ZEB2: variants seen among roughly 807,000 people sequenced by gnomAD.
ZEB2 encodes zinc finger E-box-binding homeobox 2.
Under a neutral mutation model 99.9 loss-of-function variants are expected in ZEB2, and 6 were observed. That is an observed-to-expected ratio of 0.06 (90% CI 0.03 to 0.12). The LOEUF is 0.12. Ranked by LOEUF, ZEB2 falls within the 10% of genes least tolerant of loss-of-function variation. ZEB2 has a pLI of 1.00. For missense variants in ZEB2, 969 were observed against 1,502.8 expected, an observed-to-expected ratio of 0.64 and a Z score of 5.87; for synonymous variants, 517 against 542.5, an observed-to-expected ratio of 0.95 and a Z score of 0.65.
intron 2 of ZEB2, among the ~76,000 whole-genome samples, chr2:144,508,518 A>G (rs548878840): frequency 6.6e-6 from 1 of 152,210 alleles, no homozygotes; most frequent in South Asian, 2.1e-4. Context: ...CTCTTTTTCG[A>G]AACTAAATAA....
At chr2:144,481,754 G>C (rs1046175502) in intron 2 of ZEB2, among the ~76,000 whole-genome samples, 1 of 152,138 alleles carries the variant, frequency 6.6e-6, no homozygotes, top group Non-Finnish European at 1.5e-5. Flanking sequence ...ATGTGTGCAC[G>C]AGTTACTTTA....
At chr2:144,447,855 T>C (rs1257485757) in intron 2 of ZEB2, among the ~76,000 whole-genome samples, 2 of 152,232 alleles carry the variant, frequency 1.3e-5, no homozygotes, top group Admixed American at 6.5e-5. Context: ...AGACATTTTA[T>C]ATTTCTGTAG....
intron 2 of ZEB2, among the ~76,000 whole-genome samples, chr2:144,440,004 T>G (rs1354464335): frequency 6.6e-6 from 1 of 152,250 alleles, no homozygotes; most frequent in Non-Finnish European, 1.5e-5. Context: ...TTAATTTTTT[T>G]TCTCTTCAAA....
rs201598774 is a variant in ZEB2 at position 144,498,145 on chromosome 2, C to CTATA, written c.73+19129_73+19132dup. 1.5e-4 allele frequency among the ~76,000 whole-genome samples: 12 copies of CTATA among 79,276 alleles called. 1 individual carries two copies. Among genetic ancestry groups the CTATA allele is most frequent in the African/African-American group, 2.6e-4 (5 of 19,250 alleles). 52.0% of individuals were successfully genotyped at this position (79,276 alleles called of 152,430 possible). On this transcript the variant is annotated intron_variant, in intron 2 of 9. Transcript: ENST00000627532. ...TTAATATTATATATTATATAATATA[C>CTATA]TATATATATATATGAAACATTGGTG... is the stretch of plus-strand genomic sequence containing the variant.
chr2:144,456,129 TA>T (rs1272880712), intron 2 of ZEB2, among the ~76,000 whole-genome samples: 1 of 150,712 alleles, frequency 6.6e-6, no homozygotes, highest in East Asian at 1.9e-4. Context: ...TTTTTTTTTT[TA>T]AAGCATTTTA....
At chr2:144,512,286 A>T in intron 2 of ZEB2, 1 of 1,287,250 alleles carries the variant, frequency 7.8e-7, no homozygotes, top group Non-Finnish European at 1.0e-6. Flanking sequence ...AAGAAAATGC[A>T]CCTTAAAAGC....
chr2:144,443,300 A>G (rs1467387782), intron 2 of ZEB2, among the ~76,000 whole-genome samples: 1 of 152,202 alleles, frequency 6.6e-6, no homozygotes, highest in African/African-American at 2.4e-5. Flanking sequence ...AAAGGGCCAT[A>G]TGCCCTATTT....
chr2:144,496,056 G>A (rs1228010711), intron 2 of ZEB2: 1 of 152,238 alleles, frequency 6.6e-6, no homozygotes, highest in Non-Finnish European at 1.5e-5. Flanking sequence ...CTGAATAAAA[G>A]CACAACAATT....
At chr2:144,396,351 A>T in intron 9 of ZEB2, 61 bp downstream of exon 9, 2 of 1,583,170 alleles carry the variant, frequency 1.3e-6, no homozygotes, top group Non-Finnish European at 1.7e-6. Context: ...GTGCTCATTA[A>T]ATATTATGAA....
chr2:144,431,506 T>A (rs1703769264), intron 2 of ZEB2, among the ~76,000 whole-genome samples: 1 of 151,890 alleles, frequency 6.6e-6, no homozygotes. Flanking sequence ...TCCGAACAAC[T>A]GCACAACAGG....
At chr2:144,452,762 G>T (rs536543183) in intron 2 of ZEB2, among the ~76,000 whole-genome samples, 3 of 151,924 alleles carry the variant, frequency 2.0e-5, no homozygotes, top group Non-Finnish European at 4.4e-5. Context: ...ATCTGACACC[G>T]CCAGGCAGCG....
At chr2:144,491,368 A>AC (rs1372483891) in intron 2 of ZEB2, among the ~76,000 whole-genome samples, 2 of 152,082 alleles carry the variant, frequency 1.3e-5, no homozygotes, top group East Asian at 1.9e-4. Flanking sequence ...AAAAAAAAAA[A>AC]AAAAAACGAC....
chr2:144,426,449 TAA>T (rs971275622), intron 3 of ZEB2: 2 of 151,930 alleles, frequency 1.3e-5, no homozygotes, highest in East Asian at 1.9e-4. Context: ...ACAAGAATCA[TAA>T]GTTTTCCATC....
intron 2 of ZEB2, chr2:144,511,653 G>A: frequency 2.3e-6 from 3 of 1,287,096 alleles, no homozygotes; most frequent in Non-Finnish European, 3.0e-6. Flanking sequence ...AGCTGATGCT[G>A]TTGGCATAAA....
Position 144,398,258 on chromosome 2 carries a change from G to T in ZEB2, c.2886+43C>A, listed in dbSNP as rs774654048. 5 of 1,608,298 alleles carry T rather than the reference G, an allele frequency of 3.1e-6. No individual in the cohort carries two copies. The South Asian group carries it at 5.5e-5, about 18-fold the overall frequency. ...CTACATGCACATAATCAAAATAATTGCCACCTCTTTTCTTCATAGCAGAAA... is the reference window on the plus strand; with the variant it reads ...CTACATGCACATAATCAAAATAATTTCCACCTCTTTTCTTCATAGCAGAAA... On this transcript the variant is annotated intron_variant, in intron 8 of 9. Coordinates refer to ENST00000627532, the MANE Select transcript of ZEB2 (RefSeq NM_014795.4).
chr2:144,390,110 C>T, intron 9 of ZEB2, 82 bp from the exon 10 acceptor site: 1 of 1,420,616 alleles, frequency 7.0e-7, no homozygotes, highest in Non-Finnish European at 9.7e-7. Flanking sequence ...CGAGTCCAGA[C>T]TCAGGCATAA....
chr2:144,455,265 C>T (rs926437970), intron 2 of ZEB2: 3 of 152,194 alleles, frequency 2.0e-5, no homozygotes, highest in Non-Finnish European at 2.9e-5. Flanking sequence ...GAATATCATA[C>T]AACCAGGAAC....
chr2:144,418,660 C>T (rs1176104601), intron 4 of ZEB2, among the ~76,000 whole-genome samples: 1 of 151,808 alleles, frequency 6.6e-6, no homozygotes, highest in African/African-American at 2.4e-5. Flanking sequence ...TGCACTCCAG[C>T]CCGGGCAAAA....
intron 2 of ZEB2, among the ~76,000 whole-genome samples, chr2:144,507,873 A>T (rs1704972488): frequency 1.3e-5 from 2 of 152,178 alleles, no homozygotes; most frequent in African/African-American, 4.8e-5. Flanking sequence ...TCATGAGCAG[A>T]TTTCTAGCAA....
Sources: gnomAD v4.1 joint callset for allele counts (sites outside exome capture counted in the v4.1 genomes callset) on GRCh38, gnomAD v4.1.1 for gene constraint, MANE v1.5 for transcripts, NCBI Gene and HGNC (gene_info 2026-07-23, HGNC 2026-07-21) for gene names.